Variants in CTNNA2 observed in about 807,000 individuals in gnomAD.
CTNNA2 encodes the protein catenin alpha 2.
CTNNA2 carries 42 observed loss-of-function variants against 101.0 expected under a neutral mutation model. The ratio of observed to expected loss-of-function variants is 0.42; its 90% CI spans 0.32 to 0.54. The LOEUF is 0.54. Among genes scored for constraint, CTNNA2 ranks in the 20% least tolerant of loss-of-function variants. The pLI, the probability that CTNNA2 is intolerant of heterozygous loss-of-function variation, is 0.14. For synonymous variants in CTNNA2, 450 were observed against 456.4 expected (o/e 0.99, Z 0.18); for missense variants, 871 against 1,223.1 (o/e 0.71, Z 4.29).
At chr2:79,462,869 G>A (rs1670893976) in intron 4 of CTNNA2, among the ~76,000 whole-genome samples, 1 of 152,150 alleles carries the variant, frequency 6.6e-6, no homozygotes, top group Admixed American at 6.5e-5. Flanking sequence ...TTTGTCTATG[G>A]TTGGAAAGTT....
chr2:79,502,146 T>C (rs959610236), intron 4 of CTNNA2, among the ~76,000 whole-genome samples: 1 of 152,016 alleles, frequency 6.6e-6, no homozygotes, highest in African/African-American at 2.4e-5. Flanking sequence ...CCCAGGGAAA[T>C]GTGACTTAAA....
At chr2:79,342,387 A>C (rs1246840405) in intron 3 of CTNNA2, among the ~76,000 whole-genome samples, 1 of 152,198 alleles carries the variant, frequency 6.6e-6, no homozygotes. Context: ...TGCCTGATAG[A>C]GTATTGATGT....
chr2:80,010,232 G>C (rs542648650), intron 7 of CTNNA2, among the ~76,000 whole-genome samples: 15 of 152,192 alleles, frequency 9.9e-5, no homozygotes, highest in South Asian at 6.2e-4. Flanking sequence ...CACCTCCCAG[G>C]ACACAGGTTA....
chr2:79,724,804 GAC>G (rs1686717738), intron 2 of CTNNA2, among the ~76,000 whole-genome samples: 2 of 103,970 alleles, frequency 1.9e-5, no homozygotes, highest in Non-Finnish European at 3.5e-5. Context: ...GACAGACCAA[GAC>G]TCCACCTCAA....
At chr2:80,108,418 G>T (rs934449442) in intron 7 of CTNNA2, among the ~76,000 whole-genome samples, 1 of 152,126 alleles carries the variant, frequency 6.6e-6, no homozygotes, top group African/African-American at 2.4e-5. Context: ...GGTCTCAAGA[G>T]AAGTCCACTC....
intron 3 of CTNNA2, among the ~76,000 whole-genome samples, chr2:79,344,882 T>C (rs933140032): frequency 6.8e-6 from 1 of 146,124 alleles, no homozygotes; most frequent in African/African-American, 2.5e-5. Context: ...ATATATATAA[T>C]ATATATATAA....
chr2:79,368,446 G>A (rs979802287), intron 3 of CTNNA2, among the ~76,000 whole-genome samples: 7 of 152,138 alleles, frequency 4.6e-5, no homozygotes. Flanking sequence ...TCCTGTCCTG[G>A]ACATCTTCCC....
intron 3 of CTNNA2, among the ~76,000 whole-genome samples, chr2:79,764,487 G>T (rs1263560752): frequency 1.3e-5 from 2 of 152,046 alleles, no homozygotes; most frequent in East Asian, 3.8e-4. Context: ...AAAACTATAG[G>T]CCAAAAAATA....
chr2:79,886,619 C>T (rs1005702369), intron 6 of CTNNA2, among the ~76,000 whole-genome samples: 34 of 150,754 alleles, frequency 2.3e-4, no homozygotes, highest in Non-Finnish European at 5.0e-4. Context: ...GGCGTGGTGG[C>T]GGGCACCTGT....
chr2:79,759,522 T>G (rs755195047), intron 3 of CTNNA2, among the ~76,000 whole-genome samples: 7 of 151,960 alleles, frequency 4.6e-5, no homozygotes, highest in Admixed American at 6.6e-5. Flanking sequence ...CAACTCTTCG[T>G]TAAACCTGGA....
At chr2:79,787,197 A>G (rs1674909042) in intron 3 of CTNNA2, among the ~76,000 whole-genome samples, 1 of 152,162 alleles carries the variant, frequency 6.6e-6, no homozygotes, top group Admixed American at 6.6e-5. Flanking sequence ...AAAATAAATT[A>G]TATTATTGCA....
chr2:80,119,325 C>A (rs529511732), intron 7 of CTNNA2, among the ~76,000 whole-genome samples: 1 of 152,266 alleles, frequency 6.6e-6, no homozygotes, highest in East Asian at 1.9e-4. Context: ...TAGATTGGGT[C>A]ACCAGACTAT....
chr2:80,591,185 T>G (rs892072213), intron 15 of CTNNA2, among the ~76,000 whole-genome samples: 1 of 152,204 alleles, frequency 6.6e-6, no homozygotes, highest in East Asian at 1.9e-4. Context: ...ATAAGACACA[T>G]GTCTGTTAGT....
At chr2:79,336,735 T>A (rs140070524) in intron 3 of CTNNA2, among the ~76,000 whole-genome samples, 1 of 152,184 alleles carries the variant, frequency 6.6e-6, no homozygotes, top group Non-Finnish European at 1.5e-5. Flanking sequence ...GACACTGGCA[T>A]TGAACTCACT....
chr2:79,960,791 TTGAC>T (rs1689574135), intron 7 of CTNNA2, among the ~76,000 whole-genome samples: 1 of 152,300 alleles, frequency 6.6e-6, no homozygotes, highest in Admixed American at 6.5e-5. Context: ...ATGAAATTGT[TTGAC>T]TGGAGCGATA....
intron 4 of CTNNA2, among the ~76,000 whole-genome samples, chr2:79,863,167 A>G (rs143817159): frequency 1.3e-5 from 2 of 152,250 alleles, no homozygotes; most frequent in African/African-American, 4.8e-5. Context: ...AAGTTCTACA[A>G]TCTTATTAGG....
Position 79,766,903 on chromosome 2 carries a change from G to A in CTNNA2, c.298+22321G>A, listed in dbSNP as rs899027748. ...CCCAAGTAGCTGGGATTATAGACAC[G>A]CGCCACCATGCCCAGCTATTCTTTG... On this transcript the variant is annotated intron_variant, in intron 3 of 18. Transcript: ENST00000402739. Among the ~76,000 whole-genome samples, 5 of 151,774 alleles carry A rather than the reference G, an allele frequency of 3.3e-5. No homozygotes were observed. The South Asian group carries it at 6.2e-4, about 19-fold the overall frequency.
intron 1 of CTNNA2, among the ~76,000 whole-genome samples, chr2:79,531,591 G>A (rs183817191): frequency 1.3e-5 from 2 of 152,158 alleles, no homozygotes; most frequent in Admixed American, 1.3e-4. Context: ...GTCCAAAAGA[G>A]GCAAGGTGTG....
intron 8 of CTNNA2, among the ~76,000 whole-genome samples, chr2:80,416,263 A>G (rs1483562924): frequency 2.6e-5 from 4 of 152,198 alleles, no homozygotes; most frequent in Admixed American, 1.3e-4. Flanking sequence ...TGTTAACTCA[A>G]TTGTGGTAAT....
Sources: allele counts gnomAD v4.1 joint callset (sites outside exome capture counted in the v4.1 genomes callset), GRCh38; gene constraint gnomAD v4.1.1; transcripts MANE v1.5; gene names NCBI Gene and HGNC (gene_info 2026-07-23, HGNC 2026-07-21).